The following PLSCR4 variants were observed in gnomAD, a reference collection of about 807,000 sequenced individuals.
PLSCR4 encodes Ca(2+)-dependent phospholipid scramblase 4.
A neutral mutation model predicts 36.3 loss-of-function variants in PLSCR4; 25 were observed. The ratio of observed to expected loss-of-function variants is 0.69; its 90% CI spans 0.50 to 0.96. The LOEUF is 0.96. Ranked by LOEUF, PLSCR4 falls within the 40% of genes least tolerant of loss-of-function variation. PLSCR4 has a pLI of 0.00. For missense variants in PLSCR4, 408 were observed against 414.7 expected, an observed-to-expected ratio of 0.98 and a Z score of 0.14; for synonymous variants, 122 against 132.9, an observed-to-expected ratio of 0.92 and a Z score of 0.56.
At chr3:146,218,677 A>G (rs949294130) in intron 3 of PLSCR4, among the ~76,000 whole-genome samples, 3 of 152,100 alleles carry the variant, frequency 2.0e-5, no homozygotes, top group Non-Finnish European at 4.4e-5. Flanking sequence ...CTTCTGCAGG[A>G]AAACAAAGCA....
chr3:146,205,060 G>A (rs1014593278), intron 4 of PLSCR4, among the ~76,000 whole-genome samples: 2 of 151,960 alleles, frequency 1.3e-5, no homozygotes, highest in Admixed American at 1.3e-4. Flanking sequence ...TCAATATACA[G>A]AATTGAAAAG....
intron 4 of PLSCR4, among the ~76,000 whole-genome samples, chr3:146,204,762 T>C (rs978919465): frequency 2.6e-5 from 4 of 152,058 alleles, no homozygotes; most frequent in African/African-American, 9.7e-5. Context: ...AGATGTTAGA[T>C]TCCCAAGAAC....
chr3:146,234,495 CT>C (rs1186292218), intron 1 of PLSCR4, among the ~76,000 whole-genome samples: 5 of 152,112 alleles, frequency 3.3e-5, no homozygotes, highest in African/African-American at 1.2e-4. Flanking sequence ...AGAAATCTAC[CT>C]CTTGACACAA....
Position 146,195,242 on chromosome 3 carries a change from A to G in PLSCR4, c.827T>C (p.Ile276Thr). Residue 276 changes from isoleucine (I) to threonine (T), a missense_variant, in exon 8 of 9, where the codon ATC (isoleucine) becomes ACC (threonine). By Grantham distance (89) the Ile-to-Thr change is moderately conservative. Coordinates refer to ENST00000354952, the MANE Select transcript of PLSCR4 (RefSeq NM_020353.3). The stretch of plus-strand genomic sequence containing the variant: ...TGATAACAAACCATTCCACTTCCGG[A>G]TAATACTGCCGATGTTGGATATGCC... ...LDGISNIGSIIRKWNGLLSAM... is the reference protein window; with the variant it reads ...LDGISNIGSITRKWNGLLSAM... The G allele has an allele frequency of 1.2e-6, 2 of 1,613,840 alleles. No individual in the cohort carries two copies. The highest frequency in any genetic ancestry group is 2.2e-5 in the South Asian group (2 of 91,050).
intron 1 of PLSCR4, among the ~76,000 whole-genome samples, chr3:146,229,955 G>T (rs2035640565): frequency 6.6e-6 from 1 of 152,126 alleles, no homozygotes; most frequent in African/African-American, 2.4e-5. Flanking sequence ...AATGTTAATT[G>T]TAAGTAGAGC....
At chr3:146,240,862 A>G (rs937778267) in intron 1 of PLSCR4, among the ~76,000 whole-genome samples, 9 of 152,238 alleles carry the variant, frequency 5.9e-5, no homozygotes, top group Non-Finnish European at 1.2e-4. Flanking sequence ...CCTAAGAGAA[A>G]TGAAAATAAA....
Position 146,192,459 on chromosome 3 carries a change from TAAGA to T in PLSCR4, c.*1948_*1951del, listed in dbSNP as rs955282348. ...TCAATTTTACACAACAAAATATCAT[TAAGA>T]AACATAGAAATCATGTGAATTGTAT... is the stretch of plus-strand genomic sequence containing the variant. On this transcript the variant is annotated 3_prime_UTR_variant, in exon 9 of 9. Coordinates refer to ENST00000354952, the MANE Select transcript of PLSCR4 (RefSeq NM_020353.3). 2.0e-5 allele frequency: 3 copies of T among 151,218 alleles called. No individual in the cohort carries two copies. Among genetic ancestry groups the T allele is most frequent in the African/African-American group, 7.3e-5 (3 of 41,340 alleles). The allele number at this position is 151,218 out of a possible 1,614,324, so 9.4% of individuals were successfully genotyped here.
At chr3:146,241,542 T>C (rs1016031267) in intron 1 of PLSCR4, among the ~76,000 whole-genome samples, 1 of 151,836 alleles carries the variant, frequency 6.6e-6, no homozygotes, top group African/African-American at 2.4e-5. Context: ...CTGGCAAAAT[T>C]GAAAAAAATA....
chr3:146,196,477 C>G, intron 7 of PLSCR4, 155 bp downstream of exon 7: 2 of 696,782 alleles, frequency 2.9e-6, no homozygotes, highest in South Asian at 4.3e-5. Flanking sequence ...CTCACAATAA[C>G]TTTAAAATCT....
intron 1 of PLSCR4, among the ~76,000 whole-genome samples, chr3:146,234,762 C>A (rs964313151): frequency 1.3e-5 from 2 of 152,094 alleles, no homozygotes; most frequent in African/African-American, 4.8e-5. Context: ...TCAGCTAATC[C>A]AGGAGAAATG....
At chr3:146,243,747 T>C (rs2036244052) in intron 1 of PLSCR4, among the ~76,000 whole-genome samples, 1 of 152,308 alleles carries the variant, frequency 6.6e-6, no homozygotes, top group Admixed American at 6.5e-5. Flanking sequence ...AAAACCATTG[T>C]TAATGAGACA....
intron 8 of PLSCR4, 23 bp from the exon 9 acceptor site, chr3:146,194,478 A>G: frequency 7.1e-7 from 1 of 1,400,712 alleles, no homozygotes; most frequent in Non-Finnish European, 1.0e-6. Flanking sequence ...AAAGAATTAT[A>G]TGTAGATATA....
At chr3:146,224,140 C>A (rs2035321744) in intron 1 of PLSCR4, among the ~76,000 whole-genome samples, 1 of 151,870 alleles carries the variant, frequency 6.6e-6, no homozygotes, top group African/African-American at 2.4e-5. Context: ...GGAAGTGACT[C>A]TTGCACATGC....
Position 146,220,727 on chromosome 3 carries a change from T to C in PLSCR4, c.118+88A>G. 4 of 772,114 alleles carry C rather than the reference T, an allele frequency of 5.2e-6. No individual in the cohort carries two copies. In the East Asian group the frequency reaches 8.1e-5, roughly 16 times the overall value. The allele number at this position is 772,114 out of a possible 1,614,324, so 47.8% of individuals were successfully genotyped here. On this transcript the variant is annotated intron_variant, in intron 3 of 8. Coordinates refer to ENST00000354952, the MANE Select transcript of PLSCR4 (RefSeq NM_020353.3). ...AATATTTATTTACTTATTAAATCAG[T>C]CAATTAATTTGTTCGCTTAAAAAGC...
chr3:146,198,130 A>G (rs1576446738), intron 6 of PLSCR4, among the ~76,000 whole-genome samples: 1 of 152,224 alleles, frequency 6.6e-6, no homozygotes. Flanking sequence ...AAATGACAAG[A>G]TTATAAACAT....
chr3:146,194,487 TATAG>T lies in PLSCR4; in HGVS notation c.946-36_946-33del, dbSNP rs369176596. On this transcript the variant is annotated intron_variant, in intron 8 of 8. Coordinates refer to ENST00000354952, the MANE Select transcript of PLSCR4 (RefSeq NM_020353.3). ...TTGGAAAAAGAATTATATGTAGATATATAGATAATTAGGTATAATGCATGCGGTA... is the reference window on the plus strand; with the variant it reads ...TTGGAAAAAGAATTATATGTAGATATATAATTAGGTATAATGCATGCGGTA... 76 of 1,329,668 alleles carry T rather than the reference TATAG, an allele frequency of 5.7e-5. No individual in the cohort carries two copies. In the African/African-American group the frequency reaches 1.0e-3, roughly 18 times the overall value. 82.4% of individuals were successfully genotyped at this position (1,329,668 alleles called of 1,614,324 possible). A position where few individuals can be genotyped will look rare whatever the true frequency, so the allele number is the denominator to read the frequency against.
chr3:146,225,372 A>T (rs1358417606), intron 1 of PLSCR4, among the ~76,000 whole-genome samples: 4 of 152,206 alleles, frequency 2.6e-5, no homozygotes, highest in Non-Finnish European at 2.9e-5. Context: ...GGCTTCACCT[A>T]GTGGATCCCG....
intron 7 of PLSCR4, among the ~76,000 whole-genome samples, chr3:146,196,121 T>C (rs1441730082): frequency 6.6e-6 from 1 of 152,176 alleles, no homozygotes; most frequent in African/African-American, 2.4e-5. Flanking sequence ...TTTCTTTTTA[T>C]TGAAAAAAAT....
intron 4 of PLSCR4, among the ~76,000 whole-genome samples, chr3:146,205,706 ATAAATT>A (rs759094756): frequency 6.6e-5 from 10 of 152,242 alleles, no homozygotes; most frequent in Non-Finnish European, 1.3e-4. Context: ...GCTACTCAGA[ATAAATT>A]TAAAATTTAT....
Sources: allele counts gnomAD v4.1 joint callset (sites outside exome capture counted in the v4.1 genomes callset), GRCh38; gene constraint gnomAD v4.1.1; transcripts MANE v1.5; gene names NCBI Gene and HGNC (gene_info 2026-07-23, HGNC 2026-07-21).